Variants in RC3H1 observed in about 807,000 individuals in gnomAD.
RC3H1 encodes the protein ring finger and CCCH-type domains 1.
RC3H1 carries 50 observed loss-of-function variants against 138.2 expected under a neutral mutation model. The observed-to-expected ratio is 0.36, with a 90% CI of 0.29 to 0.46. The LOEUF is 0.46. Ranked by LOEUF, RC3H1 falls within the 20% of genes least tolerant of loss-of-function variation. The pLI is 1.00. For synonymous variants in RC3H1, 462 were observed against 489.1 expected (o/e 0.94, Z 0.73); for missense variants, 1,031 against 1,388.1 (o/e 0.74, Z 4.09).
intron 1 of RC3H1, among the ~76,000 whole-genome samples, chr1:174,004,999 T>C (rs948045220): frequency 2.6e-5 from 4 of 152,110 alleles, no homozygotes; most frequent in African/African-American, 7.2e-5. Flanking sequence ...TGCTAACATA[T>C]ATAGGACAGC....
chr1:173,991,308 T>C (rs954492162), intron 2 of RC3H1, among the ~76,000 whole-genome samples: 4 of 152,240 alleles, frequency 2.6e-5, no homozygotes, highest in African/African-American at 9.6e-5. Flanking sequence ...CTGATACTTA[T>C]ATACTCATCT....
At chr1:173,961,627 G>A in intron 12 of RC3H1, 98 bp downstream of exon 12, 5 of 1,073,806 alleles carry the variant, frequency 4.7e-6, no homozygotes, top group East Asian at 2.5e-5. Flanking sequence ...TTATAAAAAA[G>A]AATTCATCAA....
intron 2 of RC3H1, among the ~76,000 whole-genome samples, chr1:173,986,174 A>G (rs1003265067): frequency 3.3e-5 from 5 of 152,098 alleles, no homozygotes; most frequent in African/African-American, 1.2e-4. Flanking sequence ...GGAGCAAGCC[A>G]CCACACTCGA....
chr1:173,959,965 G>A (rs546149539), intron 13 of RC3H1, among the ~76,000 whole-genome samples: 8 of 151,722 alleles, frequency 5.3e-5, no homozygotes, highest in African/African-American at 1.5e-4. Context: ...AATTATAGTC[G>A]GGCGTGGTGG....
In RC3H1 at chr1:173,982,238, G is replaced by C. The variant is rs190630619; in HGVS notation, c.768+489C>G. Among the ~76,000 whole-genome samples the C allele has an allele frequency of 1.1e-3, 175 of 152,214 alleles. 1 individual carries two copies. Among genetic ancestry groups the C allele is most frequent in the African/African-American group, 4.1e-3 (171 of 41,550 alleles). ...CTACCAAAAATACAAAAAGTAGCCA[G>C]GTGCAGTGGCCCTGCCTATAATCCC... On this transcript the variant is annotated intron_variant, in intron 5 of 19. Transcript: ENST00000367696.
rs1659854625 is a variant in RC3H1 at position 173,961,135 on chromosome 1, A to T, written c.2312T>A (p.Ile771Asn). 6.2e-7 allele frequency: 1 copy of T among 1,613,802 alleles called. No homozygotes were observed. Among genetic ancestry groups the T allele is most frequent in the South Asian group, 1.1e-5 (1 of 91,066 alleles). ...IMAQLEERKV[I>N]SPPPFAPSPT... ...TGAAGGTGCAAAAGGAGGTGGAGAGATAACCTTTCTTTCCTCTAGCTGGGC... is the reference window on the plus strand; with the variant it reads ...TGAAGGTGCAAAAGGAGGTGGAGAGTTAACCTTTCTTTCCTCTAGCTGGGC... Residue 771 changes from isoleucine (I) to asparagine (N), a missense_variant, in exon 13 of 20, where the codon ATC becomes AAC. By Grantham distance (149) the Ile-to-Asn change is moderately radical. Around this residue, in one of 7 missense-constraint regions of RC3H1, gnomAD observed 716 missense variants for 837.9 expected, o/e 0.85. Transcript: ENST00000367696.
chr1:173,985,283 T>C (rs1319542683), intron 2 of RC3H1, among the ~76,000 whole-genome samples: 2 of 152,220 alleles, frequency 1.3e-5, no homozygotes, highest in Non-Finnish European at 2.9e-5. Flanking sequence ...GTACAAGTTT[T>C]TGTGTAGACA....
chr1:174,007,389 CAA>C (rs202112964), intron 1 of RC3H1, among the ~76,000 whole-genome samples: 3 of 132,512 alleles, frequency 2.3e-5, no homozygotes, highest in Non-Finnish European at 1.6e-5. Context: ...GACTCCATCT[CAA>C]AAAAAAAAAA....
At chr1:173,987,402 C>A (rs755746908) in intron 2 of RC3H1, among the ~76,000 whole-genome samples, 1 of 152,110 alleles carries the variant, frequency 6.6e-6, no homozygotes, top group Admixed American at 6.5e-5. Context: ...GTTGTTCAAA[C>A]TGTTTTAGCT....
intron 13 of RC3H1, among the ~76,000 whole-genome samples, chr1:173,958,782 CCA>C (rs1659749948): frequency 6.6e-6 from 1 of 151,832 alleles, no homozygotes; most frequent in Non-Finnish European, 1.5e-5. Context: ...GATACATTAA[CCA>C]GTTTTTTTTT....
intron 13 of RC3H1, among the ~76,000 whole-genome samples, chr1:173,958,436 T>C (rs145354987): frequency 4.4e-4 from 66 of 151,710 alleles, no homozygotes; most frequent in African/African-American, 1.4e-3. Flanking sequence ...TACCAGTTAC[T>C]GGGGGAGGCT....
At chr1:173,941,406 A>T (rs1184379780) in intron 18 of RC3H1, 26 bp from the exon 19 acceptor site, 1 of 1,428,680 alleles carries the variant, frequency 7.0e-7, no homozygotes, top group Non-Finnish European at 9.9e-7. Context: ...AAATAAAATC[A>T]GTTATCATCT....
Position 173,943,532 on chromosome 1 carries a change from T to C in RC3H1, c.3045A>G (p.Lys1015=), listed in dbSNP as rs1411416680. 6.2e-7 allele frequency: 1 copy of C among 1,614,006 alleles called. No homozygotes were observed. Among genetic ancestry groups the C allele is most frequent in the African/African-American group, 1.3e-5 (1 of 74,946 alleles). ...QSQPPPPPPP[K]WPGMISSEQL... ...GCTCACTTGAGATCATCCCAGGCCA[T>C]TTTGGAGGTGGCGGTGGTGGGGGCT... Residue 1015 remains lysine (K), a synonymous_variant, in exon 18 of 20, where the codon AAA becomes AAG. Transcript: ENST00000367696.
At chr1:174,017,438 T>G (rs930863595) in intron 1 of RC3H1, among the ~76,000 whole-genome samples, 2 of 152,184 alleles carry the variant, frequency 1.3e-5, no homozygotes, top group Non-Finnish European at 1.5e-5. Flanking sequence ...TTAGGTGGTT[T>G]TTTATTCCTA....
intron 14 of RC3H1, among the ~76,000 whole-genome samples, chr1:173,949,129 T>G (rs866716755): frequency 0.041 from 3,054 of 75,226 alleles, 180 homozygotes; most frequent in African/African-American, 0.1. Context: ...TCTATTTTTT[T>G]GGGGGGGGGG....
intron 14 of RC3H1, among the ~76,000 whole-genome samples, chr1:173,948,365 T>C (rs1463590392): frequency 6.6e-6 from 1 of 152,102 alleles, no homozygotes; most frequent in Non-Finnish European, 1.5e-5. Context: ...GATGAAATGC[T>C]TCCTGATTAA....
intron 1 of RC3H1, among the ~76,000 whole-genome samples, chr1:174,013,940 A>G (rs970351781): frequency 6.6e-6 from 1 of 152,128 alleles, no homozygotes; most frequent in Non-Finnish European, 1.5e-5. Flanking sequence ...ACCTAAATGC[A>G]TATTGTTAAG....
At chr1:173,970,653 C>T (rs774905018) in intron 8 of RC3H1, 36 bp from the exon 9 acceptor site, 2 of 1,317,502 alleles carry the variant, frequency 1.5e-6, no homozygotes, top group Non-Finnish European at 2.2e-6. Flanking sequence ...TGTGTAATAA[C>T]CCCCCACAAA....
intron 16 of RC3H1, 36 bp from the exon 17 acceptor site, chr1:173,946,644 C>T (rs761995423): frequency 6.2e-7 from 1 of 1,610,234 alleles, no homozygotes; most frequent in South Asian, 1.1e-5. Context: ...CAAATTTTAA[C>T]ATTTCATTTT....
Sources: gnomAD v4.1 joint callset for allele counts (sites outside exome capture counted in the v4.1 genomes callset) on GRCh38, gnomAD v4.1.1 for gene constraint, gnomAD v4.1.1 regional missense constraint, MANE v1.5 for transcripts, NCBI Gene and HGNC (gene_info 2026-07-23, HGNC 2026-07-21) for gene names.